Variants in COLGALT1 observed in about 807,000 individuals in gnomAD.
COLGALT1 encodes procollagen galactosyltransferase 1.
In COLGALT1, 43 loss-of-function variants were observed where a neutral mutation model predicts 60.8. The ratio of observed to expected loss-of-function variants is 0.71; its 90% confidence interval spans 0.55 to 0.91. The LOEUF is 0.91. Ranked by LOEUF, COLGALT1 falls within the 40% of genes least tolerant of loss-of-function variation. The pLI is 0.00. For synonymous variants in COLGALT1, 369 were observed against 374.2 expected, an observed-to-expected ratio of 0.99 and a Z score of 0.16; for missense variants, 845 against 880.0, an observed-to-expected ratio of 0.96 and a Z score of 0.50.
rs2076353661 is a variant in COLGALT1, at chr19:17,577,815, G to A, written c.1134-142G>A. ...TGTATACCATGTGCAGGTGAGTGAGGCCCCATGTGCCCGGAAGGGGTGCCA... is the reference window on the plus strand; with the variant it reads ...TGTATACCATGTGCAGGTGAGTGAGACCCCATGTGCCCGGAAGGGGTGCCA... On this transcript the variant is annotated intron_variant, in intron 8 of 11. Transcript: ENST00000252599. 5.4e-6 allele frequency: 6 copies of A among 1,117,454 alleles called. No individual in the cohort carries two copies. The African/African-American group carries it at 9.3e-5, about 17-fold the overall frequency. 69.2% of individuals were successfully genotyped at this position (1,117,454 alleles called of 1,614,324 possible). A position where few individuals can be genotyped will look rare whatever the true frequency, so the allele number is the denominator to read the frequency against.
rs779802232 is a variant in COLGALT1 at position 17,559,320 on chromosome 19, G to A, written c.270G>A (p.Thr90=). Reference sequence around the variant, plus strand: ...TCCCCTCTCCCTGCAGGGTGGCTACGGACCACAACATGGATAACACGTCAA... The same window carrying A: ...TCCCCTCTCCCTGCAGGGTGGCTACAGACCACAACATGGATAACACGTCAA... ...PRERTALWVA[T]DHNMDNTSTV... The change falls in exon 2 of 12, where the codon ACG becomes ACA. Residue 90 remains threonine, a synonymous_variant. Transcript: ENST00000252599. The A allele has an allele frequency of 2.8e-4, 435 of 1,551,724 alleles. No individual in the cohort carries two copies. The highest frequency in any genetic ancestry group is 3.7e-4 in the Non-Finnish European group (420 of 1,147,014).
chr19:17,560,538 A>G, intron 3 of COLGALT1, 73 bp downstream of exon 3: 1 of 1,192,484 alleles, frequency 8.4e-7, no homozygotes, highest in South Asian at 1.2e-5. Context: ...GAGCAGCAGG[A>G]TGCCAGGACC....
intron 9 of COLGALT1, among the ~76,000 whole-genome samples, chr19:17,578,533 G>C (rs2076359016): frequency 6.6e-6 from 1 of 152,200 alleles, no homozygotes; most frequent in African/African-American, 2.4e-5. Flanking sequence ...GATTGGAGGA[G>C]GGTGTCTGAC....
At chr19:17,563,649 C>T (rs764824542) in intron 3 of COLGALT1, among the ~76,000 whole-genome samples, 5 of 151,890 alleles carry the variant, frequency 3.3e-5, no homozygotes, top group Admixed American at 2.6e-4. Context: ...GCGCCTGGCC[C>T]GACTAATTTT....
chr19:17,574,332 CTT>C (rs767455561), intron 6 of COLGALT1, among the ~76,000 whole-genome samples: 130 of 141,386 alleles, frequency 9.2e-4, no homozygotes, highest in Non-Finnish European at 9.9e-4. Context: ...TTTGGGGAGA[CTT>C]TTTTTTTTTT....
In COLGALT1 at chr19:17,581,730, T is replaced by G. The variant is rs902932899; in HGVS notation, c.*286T>G. On this transcript the variant is annotated 3_prime_UTR_variant, in exon 12 of 12. Transcript: ENST00000252599. ...ATTAAGCACCTGCTGTATGCAAGGT[T>G]CCCATGTTACGGCAGTGAATGAGGC... 125 of 481,452 alleles carry G rather than the reference T, an allele frequency of 2.6e-4. No individual in the cohort carries two copies. The highest frequency in any genetic ancestry group is 2.2e-3 in the African/African-American group (116 of 52,000). 29.8% of individuals were successfully genotyped at this position (481,452 alleles called of 1,614,324 possible). A position where few individuals can be genotyped will look rare whatever the true frequency, so the allele number is the denominator to read the frequency against.
chr19:17,559,264 C>A, intron 1 of COLGALT1, 47 bp from the exon 2 acceptor site: 2 of 1,414,896 alleles, frequency 1.4e-6, no homozygotes, highest in South Asian at 1.2e-5. Context: ...GCTGCCTGGT[C>A]CTGCCTCAGT....
At chr19:17,556,263 G>C (rs1599773160) in intron 1 of COLGALT1, among the ~76,000 whole-genome samples, 1 of 152,328 alleles carries the variant, frequency 6.6e-6, no homozygotes, top group South Asian at 2.1e-4. Flanking sequence ...CTTTGGGGTG[G>C]GCTGGGCACC....
At chr19:17,569,535 C>G (rs1042595875) in intron 5 of COLGALT1, among the ~76,000 whole-genome samples, 1 of 151,354 alleles carries the variant, frequency 6.6e-6, no homozygotes, top group African/African-American at 2.4e-5. Context: ...CCTCCTGGTT[C>G]AAGAGATTCT....
chr19:17,557,482 AAT>A (rs1285415750), intron 1 of COLGALT1, among the ~76,000 whole-genome samples: 1 of 151,928 alleles, frequency 6.6e-6, no homozygotes, highest in Non-Finnish European at 1.5e-5. Context: ...TTGTATTTTT[AAT>A]AGAGTCAGGG....
intron 1 of COLGALT1, among the ~76,000 whole-genome samples, chr19:17,558,345 G>A (rs1275781201): frequency 2.0e-5 from 3 of 149,978 alleles, no homozygotes; most frequent in African/African-American, 7.3e-5. Context: ...AAAGTGCTGG[G>A]ATGACAGGCG....
chr19:17,567,075 A>C (rs2076283510), intron 3 of COLGALT1, among the ~76,000 whole-genome samples: 1 of 152,088 alleles, frequency 6.6e-6, no homozygotes, highest in Non-Finnish European at 1.5e-5. Flanking sequence ...AGACCATACC[A>C]CTGCACTCCA....
At chr19:17,572,303 TAA>T (rs34738333) in intron 5 of COLGALT1, among the ~76,000 whole-genome samples, 178 bp from the exon 6 acceptor site, 2 of 144,584 alleles carry the variant, frequency 1.4e-5, no homozygotes. Flanking sequence ...GACTCTGTCT[TAA>T]AAAAAAAAAA....
intron 1 of COLGALT1, among the ~76,000 whole-genome samples, chr19:17,557,853 C>T (rs115659316): frequency 0.033 from 5,025 of 152,298 alleles, 249 homozygotes; most frequent in African/African-American, 0.11. Flanking sequence ...CTGCCCACCT[C>T]GGCCTCCCAA....
Position 17,581,319 on chromosome 19 carries a change from G to A in COLGALT1, c.1744G>A (p.Val582Ile), listed in dbSNP as rs550646432. The stretch of plus-strand genomic sequence containing the variant: ...CTCAGTCGTATGGAACAATGAGCAC[G>A]TCAAGACCGACTGGGACCGCGCCAA... ...ETSVVWNNEH[V>I]KTDWDRAKSQ... The change falls in exon 12 of 12, where the codon GTC becomes ATC. Residue 582 changes from valine to isoleucine, a missense_variant. Coordinates refer to ENST00000252599, the MANE Select transcript of COLGALT1 (RefSeq NM_024656.4). The A allele has an allele frequency of 1.2e-4, 201 of 1,613,414 alleles. 1 individual carries two copies. The South Asian group carries it at 1.8e-3, about 14-fold the overall frequency.
At position 17,581,288 on chromosome 19, in the gene COLGALT1, C is replaced by A. The variant is rs143668245; in HGVS notation, c.1713C>A (p.Thr571=). 17 of 1,612,648 alleles carry A rather than the reference C, an allele frequency of 1.1e-5. No homozygotes were observed. In the African/African-American group the frequency reaches 2.1e-4, roughly 20 times the overall value. Residue 571 remains threonine, a synonymous_variant, in exon 12 of 12, where the codon ACC becomes ACA. Coordinates refer to ENST00000252599, the MANE Select transcript of COLGALT1 (RefSeq NM_024656.4). ...YTGDDGYVSD[T]ETSVVWNNEH... ...GAGACGATGGCTATGTGAGTGACAC[C>A]GAGACCTCAGTCGTATGGAACAATG...
chr19:17,578,486 C>G (rs1760677057), intron 9 of COLGALT1, among the ~76,000 whole-genome samples: 1 of 152,174 alleles, frequency 6.6e-6, no homozygotes, highest in Admixed American at 6.6e-5. Context: ...ACTCACCAGC[C>G]CAGGCATCCT....
chr19:17,570,446 A>G (rs189835143), intron 5 of COLGALT1, among the ~76,000 whole-genome samples: 229 of 151,948 alleles, frequency 1.5e-3, no homozygotes, highest in African/African-American at 5.1e-3. Context: ...GGGTCTTGCT[A>G]TGTTGCCCAG....
intron 5 of COLGALT1, among the ~76,000 whole-genome samples, chr19:17,571,056 A>G (rs1024645938): frequency 6.6e-6 from 1 of 152,222 alleles, no homozygotes; most frequent in Non-Finnish European, 1.5e-5. Flanking sequence ...TCATTGAGAT[A>G]GAAACCGTCT....
Sources: gnomAD v4.1 joint callset for allele counts (sites outside exome capture counted in the v4.1 genomes callset) on GRCh38, gnomAD v4.1.1 for gene constraint, MANE v1.5 for transcripts, NCBI Gene and HGNC (gene_info 2026-07-23, HGNC 2026-07-21) for gene names.